Variants in CRTC3 observed in about 807,000 individuals in gnomAD.
CRTC3 encodes CREB-regulated transcription coactivator 3.
Under a neutral mutation model 74.5 loss-of-function variants are expected in CRTC3, and 26 were observed. That is an observed-to-expected ratio of 0.35 (90% CI 0.26 to 0.48). CRTC3 has a LOEUF of 0.48. Among genes scored for constraint, CRTC3 ranks in the 20% least tolerant of loss-of-function variants. The pLI is 0.99. For missense variants in CRTC3, 760 were observed against 787.3 expected (o/e 0.97, Z 0.41); for synonymous variants, 377 against 325.8 (o/e 1.16, Z -1.69).
In CRTC3 at chr15:90,641,961, C is replaced by T. The variant is rs1251238018; in HGVS notation, c.1681C>T (p.Leu561Phe). 3 of 1,613,722 alleles carry T rather than the reference C, an allele frequency of 1.9e-6. No individual in the cohort carries two copies. Among genetic ancestry groups the T allele is most frequent in the African/African-American group, 1.3e-5 (1 of 75,036 alleles). ...EDSSTSLFKD[L>F]NSALAGLPEV... Reference sequence around the variant, plus strand: ...CTCCAGCACCAGCCTGTTCAAAGACCTCAACAGTGCGCTGGCAGGCCTGCC... The same window carrying T: ...CTCCAGCACCAGCCTGTTCAAAGACTTCAACAGTGCGCTGGCAGGCCTGCC... The change falls in exon 15 of 15, where the codon CTC (leucine) becomes TTC (phenylalanine). Residue 561 changes from leucine (L) to phenylalanine (F), a missense_variant. Leu to Phe is a conservative substitution (Grantham distance 22). Transcript: ENST00000268184.
intron 2 of CRTC3, among the ~76,000 whole-genome samples, chr15:90,540,438 T>C (rs575451341): frequency 6.6e-6 from 1 of 152,298 alleles, no homozygotes; most frequent in South Asian, 2.1e-4. Flanking sequence ...ATCTATATTT[T>C]TCAAAATGCA....
chr15:90,572,396 A>T (rs193252303), intron 2 of CRTC3, among the ~76,000 whole-genome samples: 1 of 152,178 alleles, frequency 6.6e-6, no homozygotes, highest in Non-Finnish European at 1.5e-5. Flanking sequence ...GGATATTTAC[A>T]TAAGGGTATT....
At chr15:90,538,598 A>G (rs1966756023) in intron 1 of CRTC3, among the ~76,000 whole-genome samples, 1 of 152,160 alleles carries the variant, frequency 6.6e-6, no homozygotes, top group Non-Finnish European at 1.5e-5. Context: ...GGTAAAGATG[A>G]AAGATGATTG....
intron 2 of CRTC3, among the ~76,000 whole-genome samples, chr15:90,566,559 A>AAG (rs1248022851): frequency 6.6e-6 from 1 of 150,988 alleles, no homozygotes; most frequent in Non-Finnish European, 1.5e-5. Flanking sequence ...ATTAAAAAAA[A>AAG]AAAAGAGGAA....
chr15:90,644,670 C>A lies in CRTC3; in HGVS notation c.*2530C>A, dbSNP rs778646447. ...TTTTCTTGTGAAAGGTTTTGGGCAT[C>A]GTACAACCCACTCTGCCTAGAAGGT... On this transcript the variant is annotated 3_prime_UTR_variant, in exon 15 of 15. Transcript: ENST00000268184. The A allele has an allele frequency of 3.0e-5, 7 of 232,278 alleles. No homozygotes were observed. Among genetic ancestry groups the A allele is most frequent in the Admixed American group, 1.1e-4 (2 of 17,738 alleles). The allele number at this position is 232,278 out of a possible 1,614,324, so 14.4% of individuals were successfully genotyped here.
intron 2 of CRTC3, among the ~76,000 whole-genome samples, chr15:90,579,634 CTTTTTTTTTTTTT>C (rs146273285): frequency 1.2e-5 from 1 of 84,198 alleles, no homozygotes; most frequent in Non-Finnish European, 2.2e-5. Context: ...ACGTATTTCA[CTTTTTTTTTTTTT>C]TTTTTTTTTT....
At chr15:90,550,416 A>T (rs1315617167) in intron 2 of CRTC3, among the ~76,000 whole-genome samples, 1 of 150,822 alleles carries the variant, frequency 6.6e-6, no homozygotes, top group Non-Finnish European at 1.5e-5. Flanking sequence ...GTCTCAAAAA[A>T]AAAAAATCAT....
At chr15:90,549,443 AT>A (rs1966850401) in intron 2 of CRTC3, among the ~76,000 whole-genome samples, 1 of 152,120 alleles carries the variant, frequency 6.6e-6, no homozygotes, top group African/African-American at 2.4e-5. Flanking sequence ...AAATCCAGCT[AT>A]TTGAAAATTT....
chr15:90,596,691 G>A (rs889224227), intron 3 of CRTC3, among the ~76,000 whole-genome samples: 8 of 152,066 alleles, frequency 5.3e-5, no homozygotes, highest in African/African-American at 1.4e-4. Context: ...GGAGGAGGAG[G>A]GCTGTGATTC....
intron 11 of CRTC3, 114 bp downstream of exon 11, chr15:90,629,646 T>C: frequency 3.9e-6 from 4 of 1,034,450 alleles, no homozygotes; most frequent in Admixed American, 4.5e-5. Context: ...CAAGCACCCA[T>C]GAGGTCTCAA....
Position 90,530,046 on chromosome 15 carries a change from G to C in CRTC3, c.-26G>C. The C allele has an allele frequency of 7.1e-7, 1 of 1,399,544 alleles. No homozygotes were observed. The highest frequency in any genetic ancestry group is 9.4e-7 in the Non-Finnish European group (1 of 1,060,156). 86.7% of individuals were successfully genotyped at this position (1,399,544 alleles called of 1,614,324 possible). A position where few individuals can be genotyped will look rare whatever the true frequency, so the allele number is the denominator to read the frequency against. On this transcript the variant is annotated 5_prime_UTR_variant, in exon 1 of 15. Transcript: ENST00000268184. The surrounding 1 kb of genome is among the most constrained non-coding windows in gnomAD (Gnocchi z 6.2). Reference sequence around the variant, plus strand: ...ACAGGCCCCACGGCCGCCGTCTCCCGCTTCTGCCCGCGCAGAGTCCGCGCC... The same window carrying C: ...ACAGGCCCCACGGCCGCCGTCTCCCCCTTCTGCCCGCGCAGAGTCCGCGCC...
At position 90,644,418 on chromosome 15, in the gene CRTC3, G is replaced by T. The variant is rs1437032676; in HGVS notation, c.*2278G>T. The T allele has an allele frequency of 3.5e-5, 8 of 231,016 alleles. No homozygotes were observed. Among genetic ancestry groups the T allele is most frequent in the Admixed American group, 1.7e-4 (3 of 17,702 alleles). 14.3% of individuals were successfully genotyped at this position (231,016 alleles called of 1,614,324 possible). A position where few individuals can be genotyped will look rare whatever the true frequency, so the allele number is the denominator to read the frequency against. ...TCTTCACATAGTGCCTTACCCATGG[G>T]TATCGTCATATCCGGGTCCCAGTTC... On this transcript the variant is annotated 3_prime_UTR_variant, in exon 15 of 15. Transcript: ENST00000268184.
intron 2 of CRTC3, among the ~76,000 whole-genome samples, chr15:90,591,010 G>A (rs956730061): frequency 6.6e-6 from 1 of 152,054 alleles, no homozygotes; most frequent in African/African-American, 2.4e-5. Context: ...GCTGGAGTGC[G>A]GTGGTGTGAT....
At position 90,615,063 on chromosome 15, in the gene CRTC3, A is replaced by AAAAT. The variant is rs746767999; in HGVS notation, c.613+600_613+603dup. On this transcript the variant is annotated intron_variant, in intron 7 of 14. Coordinates refer to ENST00000268184, the MANE Select transcript of CRTC3 (RefSeq NM_022769.5). ...TGGCGACCGAGCGAGACTCCGTCTA[A>AAAAT]AAATAAATAAATAAATAAATAAATA... Among the ~76,000 whole-genome samples, 70 of 151,848 alleles carry AAAAT rather than the reference A, an allele frequency of 4.6e-4. 1 individual carries two copies. The highest frequency in any genetic ancestry group is 6.2e-4 in the South Asian group (3 of 4,812).
intron 11 of CRTC3, chr15:90,637,887 GTT>G (rs760763145): frequency 8.5e-5 from 13 of 152,822 alleles, no homozygotes; most frequent in Admixed American, 7.8e-4. Flanking sequence ...CTAGCATCGG[GTT>G]TTCTCAGCTC....
Position 90,626,013 on chromosome 15 carries a change from C to T in CRTC3, c.967+20C>T, listed in dbSNP as rs777186502. The stretch of plus-strand genomic sequence containing the variant: ...CCTCTGGTGAGTATCTCCTGCTTAG[C>T]AGTGACCTGGTGGCTTAATCATAGG... On this transcript the variant is annotated intron_variant, in intron 10 of 14. Coordinates refer to ENST00000268184, the MANE Select transcript of CRTC3 (RefSeq NM_022769.5). 1 of 1,598,396 alleles carries T rather than the reference C, an allele frequency of 6.3e-7. No individual in the cohort carries two copies. Among genetic ancestry groups the T allele is most frequent in the South Asian group, 1.1e-5 (1 of 90,780 alleles).
chr15:90,575,519 CTTAT>C (rs1967383551), intron 2 of CRTC3, among the ~76,000 whole-genome samples: 1 of 152,280 alleles, frequency 6.6e-6, no homozygotes, highest in South Asian at 2.1e-4. Context: ...GTGAATCTGG[CTTAT>C]TTTTTTTCCA....
chr15:90,569,283 C>T (rs1014009675), intron 2 of CRTC3, among the ~76,000 whole-genome samples: 1 of 149,638 alleles, frequency 6.7e-6, no homozygotes, highest in East Asian at 2.0e-4. Flanking sequence ...GGATTATAGG[C>T]ATGAGCCACC....
intron 9 of CRTC3, chr15:90,624,990 T>A (rs1177944874): frequency 6.5e-6 from 1 of 152,680 alleles, no homozygotes; most frequent in African/African-American, 2.4e-5. Context: ...TGTCTCCCTG[T>A]GCATTCTGGC....
Sources: allele counts gnomAD v4.1 joint callset (sites outside exome capture counted in the v4.1 genomes callset), GRCh38; gene constraint gnomAD v4.1.1; non-coding constraint Gnocchi (gnomAD v3.1); transcripts MANE v1.5; gene names NCBI Gene and HGNC (gene_info 2026-07-23, HGNC 2026-07-21).